CPXM2: variants seen among roughly 807,000 people sequenced by gnomAD.
The protein encoded by CPXM2 is carboxypeptidase X, M14 family member 2, also known as inactive carboxypeptidase-like protein X2.
In CPXM2, 66 loss-of-function variants were observed where a neutral mutation model predicts 86.1. The ratio of observed to expected loss-of-function variants is 0.77; its 90% confidence interval spans 0.63 to 0.94. The LOEUF (loss-of-function observed/expected upper bound fraction) is 0.94. Among genes scored for constraint, CPXM2 ranks in the 40% least tolerant of loss-of-function variants. CPXM2 has a pLI of 0.00. For missense variants in CPXM2, 948 were observed against 1,026.3 expected, an observed-to-expected ratio of 0.92 and a Z score of 1.04; for synonymous variants, 388 against 400.2, an observed-to-expected ratio of 0.97 and a Z score of 0.36.
At chr10:123,786,855 T>C (rs1279703708) in intron 6 of CPXM2, among the ~76,000 whole-genome samples, 1 of 152,226 alleles carries the variant, frequency 6.6e-6, no homozygotes, top group African/African-American at 2.4e-5. Flanking sequence ...TCACCTATCT[T>C]ATGTCAAATG....
intron 10 of CPXM2, among the ~76,000 whole-genome samples, chr10:123,766,661 G>C (rs1256011361): frequency 2.0e-5 from 3 of 152,142 alleles, no homozygotes; most frequent in Non-Finnish European, 4.4e-5. Context: ...TAACTTCTTA[G>C]TAATATAACC....
chr10:123,940,937 T>C (rs28594861), upstream of CPXM2, among the ~76,000 whole-genome samples: 43,451 of 152,040 alleles, frequency 0.29, 6,514 homozygotes, highest in Middle Eastern at 0.37. Flanking sequence ...TTTGGGAGGC[T>C]GAGGTGGGCG....
chr10:123,817,456 G>A (rs964569781), intron 4 of CPXM2, among the ~76,000 whole-genome samples: 1 of 152,106 alleles, frequency 6.6e-6, no homozygotes, highest in Admixed American at 6.5e-5. Context: ...GCCTGTTACT[G>A]GGCTTTGGTG....
chr10:123,916,524 C>T (rs1483921961), intron 2 of CPXM2, among the ~76,000 whole-genome samples: 1 of 152,188 alleles, frequency 6.6e-6, no homozygotes, highest in African/African-American at 2.4e-5. Context: ...TCGTCTCTGA[C>T]TGCATTAAGC....
intron 9 of CPXM2, 149 bp downstream of exon 9, chr10:123,768,373 CAAAA>C (rs1299881144): frequency 5.1e-5 from 19 of 370,986 alleles, no homozygotes; most frequent in African/African-American, 4.2e-4. Context: ...GACTCCGACT[CAAAA>C]AATAAATAAA....
chr10:123,768,420 T>TAAAG, intron 9 of CPXM2, 106 bp downstream of exon 9: 1 of 497,766 alleles, frequency 2.0e-6, no homozygotes, highest in East Asian at 3.6e-5. Flanking sequence ...AATAAATAAA[T>TAAAG]AAAGCTCGGA....
chr10:123,808,350 G>C (rs753019093), intron 4 of CPXM2, among the ~76,000 whole-genome samples: 94 of 144,696 alleles, frequency 6.5e-4, no homozygotes, highest in Middle Eastern at 7.0e-3. Flanking sequence ...TCTCCAATTG[G>C]GCAAACAAAA....
intron 3 of CPXM2, among the ~76,000 whole-genome samples, chr10:123,857,624 CGGCGTGG>C (rs1564800629): frequency 3.4e-4 from 38 of 111,936 alleles, no homozygotes; most frequent in Admixed American, 6.1e-4. Context: ...AGATGGAAGG[CGGCGTGG>C]AGATGGAAGG....
At chr10:123,924,870 G>C (rs546381637) in intron 2 of CPXM2, among the ~76,000 whole-genome samples, 1 of 152,168 alleles carries the variant, frequency 6.6e-6, no homozygotes, top group Non-Finnish European at 1.5e-5. Flanking sequence ...TCAGGAATCA[G>C]GGTCAAAGAC....
At chr10:123,921,275 A>G (rs1564822910) in intron 2 of CPXM2, among the ~76,000 whole-genome samples, 1 of 136,344 alleles carries the variant, frequency 7.3e-6, no homozygotes, top group Non-Finnish European at 1.7e-5. Flanking sequence ...TAAGTTCATA[A>G]GACAATTTTT....
rs79191410 is a variant in CPXM2 at position 123,846,630 on chromosome 10, C to A, written c.514-4142G>T. ...TCCAAAAAAATGAGGCAGAACACTA[C>A]AGAGAGGAATATATCAGACCCAGAA... On this transcript the variant is annotated intron_variant, in intron 3 of 13. Coordinates refer to ENST00000241305, the MANE Select transcript of CPXM2 (RefSeq NM_198148.3). 1.1e-3 allele frequency among the ~76,000 whole-genome samples: 169 copies of A among 152,262 alleles called. 2 individuals are homozygous for A. The East Asian group carries it at 0.015, about 13-fold the overall frequency.
chr10:123,763,259 C>T (rs35922734), intron 10 of CPXM2, among the ~76,000 whole-genome samples: 109,547 of 151,998 alleles, frequency 0.72, 40,446 homozygotes, highest in Non-Finnish European at 0.8. Flanking sequence ...AGGATGGTCT[C>T]GATCTCCTGA....
intron 3 of CPXM2, among the ~76,000 whole-genome samples, chr10:123,849,929 C>T (rs1848567559): frequency 6.6e-6 from 1 of 152,192 alleles, no homozygotes; most frequent in African/African-American, 2.4e-5. Context: ...CCCTGTGCCC[C>T]TTCCCAGACA....
intron 3 of CPXM2, among the ~76,000 whole-genome samples, chr10:123,845,114 C>G (rs552854203): frequency 1.5e-4 from 23 of 151,192 alleles, no homozygotes; most frequent in African/African-American, 5.1e-4. Flanking sequence ...TCTCCACCCC[C>G]ACTCCACAGA....
At chr10:123,782,448 C>A (rs751803243) in intron 6 of CPXM2, among the ~76,000 whole-genome samples, 1 of 152,212 alleles carries the variant, frequency 6.6e-6, no homozygotes, top group Non-Finnish European at 1.5e-5. Context: ...TGGCAACATT[C>A]TTCCTTCCTC....
At chr10:123,831,727 C>T (rs567480049) in intron 4 of CPXM2, among the ~76,000 whole-genome samples, 1 of 152,064 alleles carries the variant, frequency 6.6e-6, no homozygotes, top group South Asian at 2.1e-4. Flanking sequence ...CTCAAGTTGC[C>T]ATATCTCTGT....
chr10:123,786,517 A>G (rs1321470018), intron 6 of CPXM2, among the ~76,000 whole-genome samples: 11 of 152,194 alleles, frequency 7.2e-5, no homozygotes, highest in Non-Finnish European at 1.5e-5. Flanking sequence ...CCCTATGCAC[A>G]TCCACAGGTT....
chr10:123,842,506 G>C lies in CPXM2; in HGVS notation c.514-18C>G, dbSNP rs542003253. 3 of 1,611,134 alleles carry C rather than the reference G, an allele frequency of 1.9e-6. No homozygotes were observed. The highest frequency in any genetic ancestry group is 2.2e-5 in the East Asian group (1 of 44,822). On this transcript the variant is annotated intron_variant, in intron 3 of 13. Coordinates refer to ENST00000241305, the MANE Select transcript of CPXM2 (RefSeq NM_198148.3). ...ATGCCCGCCTAGAAAGAAAGAAAGC[G>C]GTGTTCTTCAAAAAGACTCTTAATT...
chr10:123,906,723 C>T (rs7075631), intron 2 of CPXM2, among the ~76,000 whole-genome samples: 109,831 of 152,074 alleles, frequency 0.72, 40,685 homozygotes, highest in African/African-American at 0.87. Flanking sequence ...CTTCCAAAGA[C>T]AGGAAATCTA....
Sources: allele counts gnomAD v4.1 joint callset (sites outside exome capture counted in the v4.1 genomes callset), GRCh38; gene constraint gnomAD v4.1.1; transcripts MANE v1.5; gene names NCBI Gene and HGNC (gene_info 2026-07-23, HGNC 2026-07-21).